The following TSPAN18 variants were observed in gnomAD, a reference collection of about 807,000 sequenced individuals.
TSPAN18 encodes tetraspanin-18.
A neutral mutation model predicts 27.3 loss-of-function variants in TSPAN18; 14 were observed. That is an observed-to-expected ratio of 0.51 (90% confidence interval 0.34 to 0.80). The LOEUF (loss-of-function observed/expected upper bound fraction) is 0.80. Among genes scored for constraint, TSPAN18 ranks in the 30% least tolerant of loss-of-function variants. The probability of loss-of-function intolerance (pLI) is 0.01; values close to 1 mark genes in which losing one functional copy is unlikely to be tolerated. For missense variants in TSPAN18, 268 were observed against 323.9 expected, an observed-to-expected ratio of 0.83 and a Z score of 1.32; for synonymous variants, 143 against 136.5, an observed-to-expected ratio of 1.05 and a Z score of -0.33.
chr11:44,812,918 C>T (rs923024660), intron 2 of TSPAN18, among the ~76,000 whole-genome samples: 2 of 152,188 alleles, frequency 1.3e-5, no homozygotes, highest in African/African-American at 4.8e-5. Context: ...TGCTTATTTG[C>T]CCTGAGAAAA....
intron 2 of TSPAN18, among the ~76,000 whole-genome samples, chr11:44,843,727 C>T (rs1017222680): frequency 1.3e-5 from 2 of 150,442 alleles, no homozygotes; most frequent in African/African-American, 5.0e-5. Flanking sequence ...GGGACGTTCC[C>T]CATGCTGAGA....
chr11:44,853,390 G>C (rs1459063761), intron 2 of TSPAN18, among the ~76,000 whole-genome samples: 1 of 152,140 alleles, frequency 6.6e-6, no homozygotes, highest in African/African-American at 2.4e-5. Context: ...GAATTCGAAG[G>C]CCCATAAGTC....
At chr11:44,757,891 C>T (rs187934046) in intron 1 of TSPAN18, among the ~76,000 whole-genome samples, 23 of 152,278 alleles carry the variant, frequency 1.5e-4, no homozygotes, top group Middle Eastern at 3.4e-3. Context: ...ATATGATTTG[C>T]AAATATGTTC....
chr11:44,923,819 G>C (rs1011651178), intron 8 of TSPAN18, among the ~76,000 whole-genome samples: 36 of 151,920 alleles, frequency 2.4e-4, no homozygotes, highest in Admixed American at 6.6e-5. Flanking sequence ...GTGGCATCCT[G>C]TCCATGCCCC....
intron 3 of TSPAN18, among the ~76,000 whole-genome samples, chr11:44,864,873 T>C (rs954146441): frequency 2.0e-5 from 3 of 152,192 alleles, no homozygotes; most frequent in Non-Finnish European, 4.4e-5. Flanking sequence ...GCCCCTGTGT[T>C]TGCCTGGCGG....
intron 2 of TSPAN18, among the ~76,000 whole-genome samples, chr11:44,770,562 T>C (rs1279485701): frequency 6.6e-6 from 1 of 152,112 alleles, no homozygotes; most frequent in Non-Finnish European, 1.5e-5. Flanking sequence ...TGCTGCTAGC[T>C]AGGGTGAAGA....
chr11:44,885,004 G>A (rs1482803319), intron 3 of TSPAN18, among the ~76,000 whole-genome samples: 1 of 152,224 alleles, frequency 6.6e-6, no homozygotes, highest in Non-Finnish European at 1.5e-5. Context: ...CTAAAGTGGG[G>A]TTGTCCCAGA....
intron 8 of TSPAN18, among the ~76,000 whole-genome samples, chr11:44,924,989 C>G (rs1860296715): frequency 6.6e-6 from 1 of 152,212 alleles, no homozygotes; most frequent in African/African-American, 2.4e-5. Flanking sequence ...GGAGGGCCAG[C>G]CCTGAACGGA....
intron 5 of TSPAN18, among the ~76,000 whole-genome samples, chr11:44,915,543 G>A (rs1461169229): frequency 6.6e-6 from 1 of 152,212 alleles, no homozygotes; most frequent in African/African-American, 2.4e-5. Context: ...AGGAAGCACA[G>A]GAGCATCTGG....
chr11:44,834,320 C>T (rs753578662), intron 2 of TSPAN18, among the ~76,000 whole-genome samples: 1 of 152,040 alleles, frequency 6.6e-6, no homozygotes, highest in Non-Finnish European at 1.5e-5. Flanking sequence ...GAAAACAAAT[C>T]GCTGCCTAAG....
At chr11:44,844,035 T>C (rs1363960359) in intron 2 of TSPAN18, among the ~76,000 whole-genome samples, 2 of 152,268 alleles carry the variant, frequency 1.3e-5, no homozygotes, top group East Asian at 1.9e-4. Context: ...AGGGTATTGA[T>C]TGGGGAAGTG....
chr11:44,908,629 G>A (rs1344118237), intron 4 of TSPAN18, among the ~76,000 whole-genome samples: 1 of 27,592 alleles, frequency 3.6e-5, no homozygotes, highest in Non-Finnish European at 7.8e-5. Context: ...CAGTTACTTG[G>A]GAGGCTGAGG....
At chr11:44,790,523 G>GT (rs1384721262) in intron 2 of TSPAN18, among the ~76,000 whole-genome samples, 1 of 130,106 alleles carries the variant, frequency 7.7e-6, no homozygotes, top group African/African-American at 3.0e-5. Flanking sequence ...ATGTGTTTTT[G>GT]GTGTGTGCAT....
intron 3 of TSPAN18, among the ~76,000 whole-genome samples, chr11:44,893,035 C>T (rs148591696): frequency 4.9e-4 from 75 of 152,330 alleles, no homozygotes; most frequent in African/African-American, 1.6e-3. Flanking sequence ...TGGGCAAGAG[C>T]CCGTCCCTCT....
At chr11:44,762,518 A>T (rs1855476988) in intron 1 of TSPAN18, among the ~76,000 whole-genome samples, 2 of 152,210 alleles carry the variant, frequency 1.3e-5, no homozygotes, top group African/African-American at 4.8e-5. Context: ...GTTAAACAGG[A>T]TGGCTGGTAA....
At chr11:44,861,445 C>T (rs1272316472) in intron 3 of TSPAN18, among the ~76,000 whole-genome samples, 9 of 32,676 alleles carry the variant, frequency 2.8e-4, no homozygotes, top group African/African-American at 1.2e-3. Context: ...GGGGACTGGT[C>T]GGTGCTGGGG....
At chr11:44,835,952 G>C (rs962690906) in intron 2 of TSPAN18, among the ~76,000 whole-genome samples, 9 of 152,136 alleles carry the variant, frequency 5.9e-5, no homozygotes, top group African/African-American at 1.9e-4. Flanking sequence ...ATTAATAAAT[G>C]CTATATGTGT....
At chr11:44,786,534 C>A (rs1342328544) in intron 2 of TSPAN18, among the ~76,000 whole-genome samples, 1 of 151,958 alleles carries the variant, frequency 6.6e-6, no homozygotes, top group Non-Finnish European at 1.5e-5. Flanking sequence ...GGGCTCTCCT[C>A]CCCCGGACCC....
intron 2 of TSPAN18, among the ~76,000 whole-genome samples, chr11:44,767,127 C>T (rs1855585359): frequency 6.6e-6 from 1 of 152,096 alleles, no homozygotes; most frequent in African/African-American, 2.4e-5. Context: ...TGTGTGAGGT[C>T]TAAAAAAGGG....
Sources: gnomAD v4.1 joint callset for allele counts (sites outside exome capture counted in the v4.1 genomes callset) on GRCh38, gnomAD v4.1.1 for gene constraint, MANE v1.5 for transcripts, NCBI Gene and HGNC (gene_info 2026-07-23, HGNC 2026-07-21) for gene names.